The following ERI1 variants were observed in gnomAD, a reference collection of about 807,000 sequenced individuals.
The protein encoded by ERI1 is 3'-5' exoribonuclease 1.
A neutral mutation model predicts 39.7 loss-of-function variants in ERI1; 39 were observed. The ratio of observed to expected loss-of-function variants is 0.98; its 90% CI spans 0.76 to 1.28. The LOEUF (loss-of-function observed/expected upper bound fraction) is 1.28. Ranked by LOEUF, ERI1 falls within the 50% of genes most tolerant of loss-of-function variation. ERI1 has a pLI of 0.00. For missense variants in ERI1, 581 were observed against 416.9 expected (o/e 1.39, Z -3.43); for synonymous variants, 204 against 149.6 (o/e 1.36, Z -2.65).
intron 5 of ERI1, 58 bp downstream of exon 5, chr8:9,018,464 T>A: frequency 1.0e-6 from 1 of 964,148 alleles, no homozygotes; most frequent in Non-Finnish European, 1.6e-6. Flanking sequence ...AAAGATACCC[T>A]TATTTATCTG....
At chr8:9,089,984 G>T (rs1441220535) in intron 3 of ERI1, among the ~76,000 whole-genome samples, 1 of 152,170 alleles carries the variant, frequency 6.6e-6, no homozygotes, top group South Asian at 2.1e-4. Context: ...TGTGCTACTT[G>T]CAAAGCAAGG....
At chr8:9,073,176 G>T (rs1052179151) in intron 3 of ERI1, among the ~76,000 whole-genome samples, 1 of 152,154 alleles carries the variant, frequency 6.6e-6, no homozygotes, top group Non-Finnish European at 1.5e-5. Flanking sequence ...TCATGCCTTC[G>T]GCTTTGTCCT....
chr8:9,082,976 G>T (rs1358512759), intron 3 of ERI1, among the ~76,000 whole-genome samples: 2 of 152,130 alleles, frequency 1.3e-5, no homozygotes, highest in South Asian at 2.1e-4. Flanking sequence ...TGAACTTCAG[G>T]TAAACAACAA....
At chr8:9,085,313 A>G (rs1799491063) in intron 3 of ERI1, among the ~76,000 whole-genome samples, 1 of 152,068 alleles carries the variant, frequency 6.6e-6, no homozygotes, top group Non-Finnish European at 1.5e-5. Flanking sequence ...GGTTCAAGTG[A>G]TTCTCCTGCT....
chr8:9,039,755 A>G (rs1797959037), intron 3 of ERI1, among the ~76,000 whole-genome samples: 1 of 143,714 alleles, frequency 7.0e-6, no homozygotes, highest in South Asian at 2.1e-4. Flanking sequence ...TTATCCTGCT[A>G]AAAACTAACT....
chr8:9,065,145 G>A (rs1009225743), intron 3 of ERI1, among the ~76,000 whole-genome samples: 11 of 152,180 alleles, frequency 7.2e-5, no homozygotes, highest in South Asian at 2.1e-4. Context: ...GGATGTGTAC[G>A]TGCAGGCCAC....
chr8:9,098,508 T>C (rs1213508291), intron 3 of ERI1, among the ~76,000 whole-genome samples: 1 of 151,974 alleles, frequency 6.6e-6, no homozygotes, highest in African/African-American at 2.4e-5. Flanking sequence ...ACAGAATAAG[T>C]GAGACTCCAT....
In ERI1 at chr8:9,030,991, A is replaced by C. The variant is rs1434283326; in HGVS notation, c.*957A>C. The stretch of plus-strand genomic sequence containing the variant: ...ACTTGTTTTTCTGATTTTACATAGT[A>C]AATGGCTGCTAAGTATTGAGTAATT... On this transcript the variant is annotated 3_prime_UTR_variant, in exon 7 of 7. Transcript: ENST00000250263. 1 of 152,234 alleles carries C rather than the reference A, an allele frequency of 6.6e-6. No homozygotes were observed. The highest frequency in any genetic ancestry group is 2.4e-5 in the African/African-American group (1 of 41,466). 9.4% of individuals were successfully genotyped at this position (152,234 alleles called of 1,614,324 possible).
intron 3 of ERI1, among the ~76,000 whole-genome samples, chr8:9,052,997 T>C (rs1798406759): frequency 6.6e-6 from 1 of 152,094 alleles, no homozygotes; most frequent in African/African-American, 2.4e-5. Context: ...TAGTGGCTAA[T>C]GATTTATTTA....
intron 6 of ERI1, among the ~76,000 whole-genome samples, chr8:9,025,693 CTTTTT>C (rs35325273): frequency 4.0e-5 from 6 of 149,706 alleles, no homozygotes; most frequent in African/African-American, 1.5e-4. Context: ...TCATTTTAAT[CTTTTT>C]TTTTTGTGTG....
chr8:9,019,681 T>G (rs992652581), intron 5 of ERI1, among the ~76,000 whole-genome samples: 8 of 152,210 alleles, frequency 5.3e-5, no homozygotes, highest in Admixed American at 3.3e-4. Flanking sequence ...GGACATACAC[T>G]TATTTTTAAT....
intron 4 of ERI1, among the ~76,000 whole-genome samples, chr8:9,017,556 A>G (rs191605585): frequency 2.9e-4 from 44 of 152,364 alleles, no homozygotes; most frequent in African/African-American, 1.0e-3. Flanking sequence ...TGTTGTGGAC[A>G]TCTATGAAAA....
chr8:9,059,408 G>A (rs369220940), intron 3 of ERI1, among the ~76,000 whole-genome samples: 1 of 151,978 alleles, frequency 6.6e-6, no homozygotes, highest in African/African-American at 2.4e-5. Context: ...GAGAGATAAC[G>A]GGCGATGTTT....
rs759595393 is a variant in ERI1, at chr8:9,020,390, C to G, written c.733C>G (p.Leu245Val). ...MSKFLNIQCQ[L>V]SRLKYPPFAK... ...TAAGTTCTTGAACATTCAGTGTCAA[C>G]TCAGCAGGCTCAAATACCCTCCTTT... Residue 245 changes from leucine (L) to valine (V), a missense_variant, in exon 6 of 7, where the codon CTC becomes GTC. Coordinates refer to ENST00000250263, the MANE Select transcript of ERI1 (RefSeq NM_153332.4). 1.4e-5 allele frequency: 23 copies of G among 1,605,962 alleles called. No individual in the cohort carries two copies. Among genetic ancestry groups the G allele is most frequent in the Non-Finnish European group, 2.0e-5 (23 of 1,177,040 alleles).
chr8:9,068,798 C>G (rs776444292), intron 3 of ERI1, among the ~76,000 whole-genome samples: 5 of 152,044 alleles, frequency 3.3e-5, no homozygotes, highest in Non-Finnish European at 5.9e-5. Context: ...GTGATTGGCA[C>G]TGTTTTTAAA....
intron 3 of ERI1, among the ~76,000 whole-genome samples, chr8:9,040,636 A>G (rs1797986420): frequency 6.6e-6 from 1 of 152,032 alleles, no homozygotes; most frequent in Admixed American, 6.5e-5. Flanking sequence ...AGGGTTAGAC[A>G]TATCCCACAT....
chr8:9,054,937 C>CAATA (rs1374544913), intron 3 of ERI1, among the ~76,000 whole-genome samples: 2 of 152,050 alleles, frequency 1.3e-5, no homozygotes, highest in Admixed American at 6.6e-5. Context: ...CAAAAATAAA[C>CAATA]AATAAATAAA....
intron 6 of ERI1, among the ~76,000 whole-genome samples, chr8:9,026,917 C>G (rs1393723581): frequency 6.6e-6 from 1 of 151,928 alleles, no homozygotes; most frequent in African/African-American, 2.4e-5. Flanking sequence ...CATGTTTTGG[C>G]AATCATGAAT....
intron 3 of ERI1, among the ~76,000 whole-genome samples, chr8:9,059,433 G>T (rs972605525): frequency 1.3e-5 from 2 of 152,032 alleles, no homozygotes; most frequent in South Asian, 4.2e-4. Context: ...GGGCTGCTTC[G>T]AGCAGGATTA....
Sources: allele counts gnomAD v4.1 joint callset (sites outside exome capture counted in the v4.1 genomes callset), GRCh38; gene constraint gnomAD v4.1.1; transcripts MANE v1.5; gene names NCBI Gene and HGNC (gene_info 2026-07-23, HGNC 2026-07-21).